Variants in DNAH9 observed in about 807,000 individuals in gnomAD.
The protein encoded by DNAH9 is DNAH9 variant protein.
In DNAH9, 345 loss-of-function variants were observed where a neutral mutation model predicts 471.6. The observed-to-expected ratio is 0.73, with a 90% CI of 0.67 to 0.80. The LOEUF (loss-of-function observed/expected upper bound fraction) is 0.80, where lower values mean the gene tolerates loss of function less well. Ranked by LOEUF, DNAH9 falls within the 30% of genes least tolerant of loss-of-function variation. DNAH9 has a pLI of 0.00. For missense variants in DNAH9, 5,407 were observed against 5,609.2 expected, an observed-to-expected ratio of 0.96 and a Z score of 1.15; for synonymous variants, 2,093 against 2,123.6, an observed-to-expected ratio of 0.99 and a Z score of 0.40.
intron 66 of DNAH9, 25 bp from the exon 67 acceptor site, chr17:11,942,278 C>T (rs368910709): frequency 2.9e-5 from 47 of 1,608,760 alleles, no homozygotes; most frequent in Admixed American, 1.7e-4. Context: ...CCTTTCTTAA[C>T]GCTGTGTTTC....
At chr17:11,959,299 C>T (rs1975883555) in intron 67 of DNAH9, among the ~76,000 whole-genome samples, 1 of 152,166 alleles carries the variant, frequency 6.6e-6, no homozygotes, top group African/African-American at 2.4e-5. Context: ...GATGGGGTCT[C>T]ATAAAACAAA....
At chr17:11,672,851 C>G (rs909885757) in intron 17 of DNAH9, among the ~76,000 whole-genome samples, 5 of 152,136 alleles carry the variant, frequency 3.3e-5, no homozygotes, top group Non-Finnish European at 7.4e-5. Flanking sequence ...TGAAGCATTC[C>G]ACTCCCTGGC....
intron 10 of DNAH9, 117 bp from the exon 11 acceptor site, chr17:11,644,514 T>C: frequency 1.4e-6 from 1 of 727,698 alleles, no homozygotes; most frequent in Non-Finnish European, 2.2e-6. Flanking sequence ...TTCAGGGCTG[T>C]TTGGAAACGA....
Position 11,807,897 on chromosome 17 carries a change from A to T in DNAH9, c.8583+3A>T. On this transcript the variant is annotated splice_donor_region_variant and intron_variant, in intron 44 of 68. Transcript: ENST00000262442. The stretch of plus-strand genomic sequence containing the variant: ...GCTACCAGATCCAGGACTTCAAGGT[A>T]AAAGGTCAGGCAGCTGCAGGGAGGA... The T allele has an allele frequency of 1.9e-6, 3 of 1,598,118 alleles. No individual in the cohort carries two copies. The highest frequency in any genetic ancestry group is 1.7e-6 in the Non-Finnish European group (2 of 1,167,154).
intron 48 of DNAH9, among the ~76,000 whole-genome samples, chr17:11,832,170 C>T (rs1428918991): frequency 6.6e-6 from 1 of 152,098 alleles, no homozygotes; most frequent in Admixed American, 6.5e-5. Flanking sequence ...TGAGTTATGC[C>T]CCTTGTGAAG....
intron 20 of DNAH9, among the ~76,000 whole-genome samples, chr17:11,691,931 G>A (rs1025326087): frequency 1.3e-5 from 2 of 152,178 alleles, no homozygotes; most frequent in Non-Finnish European, 2.9e-5. Context: ...AGCCTCCTGA[G>A]TAGCTGGGAT....
In DNAH9 at chr17:11,598,481, A is replaced by C. The variant is rs2072304060; in HGVS notation, c.-18A>C. On this transcript the variant is annotated 5_prime_UTR_variant, in exon 1 of 69. Transcript: ENST00000262442. ...TCCCCGTCGCTAGGGAAACCGATGC[A>C]GCTGGAGGCCGCGCGCGATGCGGCT... 1 of 1,353,496 alleles carries C rather than the reference A, an allele frequency of 7.4e-7. No individual in the cohort carries two copies. Among genetic ancestry groups the C allele is most frequent in the Non-Finnish European group, 9.4e-7 (1 of 1,059,532 alleles). 83.8% of individuals were successfully genotyped at this position (1,353,496 alleles called of 1,614,324 possible).
chr17:11,766,306 A>T (rs1052364673), intron 36 of DNAH9, among the ~76,000 whole-genome samples: 11 of 76,562 alleles, frequency 1.4e-4, no homozygotes, highest in Admixed American at 9.0e-4. Context: ...GTTCCCATTT[A>T]AAAAAAAAAA....
chr17:11,640,636 T>C (rs1421506053), intron 10 of DNAH9, among the ~76,000 whole-genome samples: 4 of 152,216 alleles, frequency 2.6e-5, no homozygotes, highest in Non-Finnish European at 4.4e-5. Flanking sequence ...GATTCATTTC[T>C]GGAGGACAGT....
chr17:11,966,913 G>A (rs190525369), intron 68 of DNAH9, among the ~76,000 whole-genome samples: 2 of 151,156 alleles, frequency 1.3e-5, no homozygotes, highest in African/African-American at 4.9e-5. Context: ...CACACACCTG[G>A]AGTCCCAGCT....
rs2074299342 is a variant in DNAH9, at chr17:11,689,701, G to A, written c.3879G>A (p.Arg1293=). ...EVNVPDYKQL[R]QCRKEVCQLK... The stretch of plus-strand genomic sequence containing the variant: ...ATGTCCCTGACTATAAGCAGCTGAG[G>A]CAGTGCAGGAAGGAGGTCTGCCAGC... Residue 1293 remains arginine (R), a synonymous_variant, in exon 20 of 69, where the codon AGG becomes AGA. Transcript: ENST00000262442. The A allele has an allele frequency of 6.2e-7, 1 of 1,614,200 alleles. No individual in the cohort carries two copies. Among genetic ancestry groups the A allele is most frequent in the East Asian group, 2.2e-5 (1 of 44,880 alleles).
chr17:11,627,020 TAATTCCAG>T (rs1324211968), intron 6 of DNAH9, among the ~76,000 whole-genome samples: 1 of 152,078 alleles, frequency 6.6e-6, no homozygotes, highest in African/African-American at 2.4e-5. Context: ...CCAAATAATA[TAATTCCAG>T]AGTGTGATAA....
At chr17:11,693,109 T>C (rs2074362634) in intron 20 of DNAH9, among the ~76,000 whole-genome samples, 1 of 150,484 alleles carries the variant, frequency 6.6e-6, no homozygotes, top group Non-Finnish European at 1.5e-5. Context: ...GAGACGGGGT[T>C]TCACCATGTT....
At chr17:11,902,683 GAGAAACTGC>G (rs1319937255) in intron 59 of DNAH9, 27 bp from the exon 60 acceptor site, 1 of 1,588,402 alleles carries the variant, frequency 6.3e-7, no homozygotes, top group Non-Finnish European at 8.6e-7. Context: ...CAGCTTTCTG[GAGAAACTGC>G]ATTTCAGATT....
At chr17:11,798,370 T>G (rs1245627754) in intron 43 of DNAH9, among the ~76,000 whole-genome samples, 1 of 139,148 alleles carries the variant, frequency 7.2e-6, no homozygotes, top group Non-Finnish European at 1.5e-5. Flanking sequence ...GAGGCCCAGG[T>G]TGCAGTGGGC....
At chr17:11,930,765 C>CAAAAAAAAAAAAAAAAAAA (rs11371438) in intron 63 of DNAH9, among the ~76,000 whole-genome samples, 3 of 125,174 alleles carry the variant, frequency 2.4e-5, no homozygotes, top group Admixed American at 8.5e-5. Context: ...ACTCCATCTC[C>CAAAAAAAAAAAAAAAAAAA]AAAAAAAAAA....
chr17:11,693,422 C>A (rs925729720), intron 20 of DNAH9, among the ~76,000 whole-genome samples: 2 of 149,504 alleles, frequency 1.3e-5, no homozygotes, highest in African/African-American at 4.9e-5. Flanking sequence ...CCCAGCCCAG[C>A]TAATTTTTCT....
intron 49 of DNAH9, among the ~76,000 whole-genome samples, chr17:11,843,863 G>GTATA (rs61067153): frequency 4.1e-4 from 19 of 46,460 alleles, no homozygotes; most frequent in African/African-American, 1.5e-3. Context: ...GTGTGTGTGT[G>GTATA]TATATATATA....
At chr17:11,813,449 G>A (rs753800265) in intron 45 of DNAH9, among the ~76,000 whole-genome samples, 2 of 152,124 alleles carry the variant, frequency 1.3e-5, no homozygotes, top group East Asian at 1.9e-4. Context: ...CGGGGATGAC[G>A]CAGAACCTCA....
Sources: gnomAD v4.1 joint callset for allele counts (sites outside exome capture counted in the v4.1 genomes callset) on GRCh38, gnomAD v4.1.1 for gene constraint, MANE v1.5 for transcripts, NCBI Gene and HGNC (gene_info 2026-07-23, HGNC 2026-07-21) for gene names.